The following COLEC10 variants were observed in gnomAD, a reference collection of about 807,000 sequenced individuals.
The protein encoded by COLEC10 is collectin-10.
A neutral mutation model predicts 28.4 loss-of-function variants in COLEC10; 22 were observed. The ratio of observed to expected loss-of-function variants is 0.78; its 90% CI spans 0.55 to 1.11. The LOEUF is 1.11. Ranked by LOEUF, COLEC10 falls within the 50% of genes least tolerant of loss-of-function variation. The probability of loss-of-function intolerance (pLI) is 0.00; values close to 1 mark genes in which losing one functional copy is unlikely to be tolerated. For synonymous variants in COLEC10, 125 were observed against 116.1 expected, an observed-to-expected ratio of 1.08 and a Z score of -0.49; for missense variants, 361 against 344.1, an observed-to-expected ratio of 1.05 and a Z score of -0.39.
intron 2 of COLEC10, among the ~76,000 whole-genome samples, chr8:119,050,922 C>T (rs995940914): frequency 3.9e-5 from 6 of 152,082 alleles, no homozygotes; most frequent in African/African-American, 9.7e-5. Flanking sequence ...AAAAATTCTG[C>T]GAAGTCTTAC....
intron 2 of COLEC10, among the ~76,000 whole-genome samples, chr8:119,027,036 G>A (rs1378344908): frequency 6.6e-6 from 1 of 152,114 alleles, no homozygotes; most frequent in Non-Finnish European, 1.5e-5. Flanking sequence ...TGGGATGAAT[G>A]CTTGATATCC....
chr8:119,060,575 A>G lies in COLEC10; in HGVS notation n.236-29105A>G, dbSNP rs114270563. On this transcript the variant is annotated intron_variant and non_coding_transcript_variant, in intron 2 of 6. Coordinates refer to the COLEC10 transcript ENST00000521788. ...AGGTGATAGTGAGCTACAGAAGACTAAAAGAAAGTAAGAACAGTGAGTTTC... is the reference window on the plus strand; with the variant it reads ...AGGTGATAGTGAGCTACAGAAGACTGAAAGAAAGTAAGAACAGTGAGTTTC... Among the ~76,000 whole-genome samples, 354 of 152,270 alleles carry G rather than the reference A, an allele frequency of 2.3e-3. 2 individuals carry two copies. The highest frequency in any genetic ancestry group is 7.9e-3 in the African/African-American group (330 of 41,582).
chr8:118,974,494 C>T, the COLEC10 span, among the ~76,000 whole-genome samples: 5 of 151,940 alleles, frequency 3.3e-5, no homozygotes, highest in Non-Finnish European at 5.9e-5. Flanking sequence ...CATTCAGTTA[C>T]CTTTACTGCT....
In COLEC10 at chr8:119,106,274, T is replaced by C; in HGVS notation, c.*83T>C. 1 of 1,410,786 alleles carries C rather than the reference T, an allele frequency of 7.1e-7. No individual in the cohort carries two copies. Among genetic ancestry groups the C allele is most frequent in the East Asian group, 2.3e-5 (1 of 43,320 alleles). The allele number at this position is 1,410,786 out of a possible 1,614,324, so 87.4% of individuals were successfully genotyped here. ...TCCATCCTTTTTTTCCTGATTGTAC[T>C]ACATTTGATCTGAGTCAACATAGCT... On this transcript the variant is annotated 3_prime_UTR_variant, in exon 6 of 6. Coordinates refer to ENST00000332843, the MANE Select transcript of COLEC10 (RefSeq NM_006438.5).
intron 3 of COLEC10, among the ~76,000 whole-genome samples, chr8:119,093,210 G>T (rs1350476351): frequency 1.3e-5 from 2 of 152,178 alleles, no homozygotes; most frequent in African/African-American, 4.8e-5. Context: ...GTATGTCCCT[G>T]CAGGCAGGTT....
intron 2 of COLEC10, among the ~76,000 whole-genome samples, chr8:119,054,896 T>C (rs114751814): frequency 0.017 from 2,650 of 152,168 alleles, 34 homozygotes; most frequent in Middle Eastern, 0.031. Context: ...TATAGGAACA[T>C]AGAAAATGAA....
intron 1 of COLEC10, among the ~76,000 whole-genome samples, chr8:119,074,571 C>G (rs904492820): frequency 6.6e-6 from 1 of 152,198 alleles, no homozygotes; most frequent in African/African-American, 2.4e-5. Flanking sequence ...ACCAACAGCT[C>G]TCTCCCCCAT....
chr8:119,023,268 A>G (rs866887414), intron 2 of COLEC10, among the ~76,000 whole-genome samples: 1 of 152,038 alleles, frequency 6.6e-6, no homozygotes, highest in African/African-American at 2.4e-5. Context: ...TTCATCCTTT[A>G]TTCATTCCCC....
chr8:119,056,590 A>G (rs1460710101), intron 2 of COLEC10, among the ~76,000 whole-genome samples: 1 of 151,976 alleles, frequency 6.6e-6, no homozygotes, highest in East Asian at 1.9e-4. Context: ...CGGTGCTACT[A>G]TGTCATGATT....
chr8:118,989,562 C>CACAT, the COLEC10 span, among the ~76,000 whole-genome samples: 3 of 146,878 alleles, frequency 2.0e-5, no homozygotes, highest in Admixed American at 2.0e-4. Flanking sequence ...CACACACACA[C>CACAT]ACACACACAC....
At chr8:119,102,965 C>T (rs1815868043) in intron 4 of COLEC10, among the ~76,000 whole-genome samples, 1 of 152,082 alleles carries the variant, frequency 6.6e-6, no homozygotes. Flanking sequence ...AACTTTTTGA[C>T]ATTCTTCATA....
At chr8:119,085,024 A>T (rs1187033843) in intron 1 of COLEC10, among the ~76,000 whole-genome samples, 1 of 152,230 alleles carries the variant, frequency 6.6e-6, no homozygotes, top group African/African-American at 2.4e-5. Context: ...AACACTTTTC[A>T]TCCACTGTCT....
In COLEC10 at chr8:119,058,936, A is replaced by T. The variant is rs556326935; in HGVS notation, n.236-30744A>T. ...TTCAGCAAACAGTATTGTCACATTT[A>T]TTATTATTATTATGGCCAGTCTTAC... On this transcript the variant is annotated intron_variant and non_coding_transcript_variant, in intron 2 of 6. Transcript: ENST00000521788. 2.6e-5 allele frequency among the ~76,000 whole-genome samples: 4 copies of T among 152,058 alleles called. No homozygotes were observed. In the South Asian group the frequency reaches 8.3e-4, roughly 32 times the overall value.
intron 2 of COLEC10, among the ~76,000 whole-genome samples, chr8:119,026,043 T>C (rs1671943095): frequency 6.6e-6 from 1 of 152,212 alleles, no homozygotes; most frequent in African/African-American, 2.4e-5. Context: ...TAGTTTCTGT[T>C]TCTTGAAACT....
At chr8:119,081,934 T>G (rs1224362781) in intron 1 of COLEC10, among the ~76,000 whole-genome samples, 1 of 152,194 alleles carries the variant, frequency 6.6e-6, no homozygotes, top group Non-Finnish European at 1.5e-5. Flanking sequence ...GAACAATTTA[T>G]TGAACAGACA....
chr8:119,067,297 T>G lies in COLEC10; in HGVS notation c.16T>G (p.Ser6Ala). The G allele has an allele frequency of 6.2e-7, 1 of 1,614,004 alleles. No homozygotes were observed. The highest frequency in any genetic ancestry group is 8.5e-7 in the Non-Finnish European group (1 of 1,179,920). Residue 6 changes from serine to alanine, a missense_variant, in exon 1 of 6, where the codon TCC becomes GCC. Ser to Ala is a moderately conservative substitution (Grantham distance 99, BLOSUM62 1). Around this residue, in one of 3 missense-constraint regions of COLEC10, gnomAD observed 335 missense variants for 308.5 expected, o/e 1.09. Transcript: ENST00000332843. Reference sequence around the variant, plus strand: ...AACCACAGCAATGAATGGCTTTGCATCCTTGCTTCGAAGAAACCAATTTAT... The same window carrying G: ...AACCACAGCAATGAATGGCTTTGCAGCCTTGCTTCGAAGAAACCAATTTAT... MNGFA[S>A]LLRRNQFILL...
chr8:119,090,021 T>G (rs1312095335), intron 2 of COLEC10, among the ~76,000 whole-genome samples: 1 of 152,154 alleles, frequency 6.6e-6, no homozygotes, highest in African/African-American at 2.4e-5. Flanking sequence ...CTGAGAATAT[T>G]TAAGAAACGA....
chr8:118,970,880 G>T, the COLEC10 span, among the ~76,000 whole-genome samples: 1 of 152,036 alleles, frequency 6.6e-6, no homozygotes, highest in Non-Finnish European at 1.5e-5. Flanking sequence ...AATATGACTT[G>T]CACTCAAATC....
At chr8:119,057,483 G>A (rs986065955) in intron 2 of COLEC10, among the ~76,000 whole-genome samples, 1 of 151,874 alleles carries the variant, frequency 6.6e-6, no homozygotes, top group Non-Finnish European at 1.5e-5. Context: ...TCTCCTCAGG[G>A]TCCCTATAAC....
Sources: gnomAD v4.1 joint callset for allele counts (sites outside exome capture counted in the v4.1 genomes callset) on GRCh38, gnomAD v4.1.1 for gene constraint, gnomAD v4.1.1 regional missense constraint, MANE v1.5 for transcripts, NCBI Gene and HGNC (gene_info 2026-07-23, HGNC 2026-07-21) for gene names.